Variants in TMC1 observed in about 807,000 individuals in gnomAD.
TMC1 encodes transmembrane channel-like protein 1.
In TMC1, 84 loss-of-function variants were observed where a neutral mutation model predicts 105.8. The observed-to-expected ratio is 0.79, with a 90% CI of 0.67 to 0.95. TMC1 has a LOEUF of 0.95. Ranked by LOEUF, TMC1 falls within the 40% of genes least tolerant of loss-of-function variation. The probability of loss-of-function intolerance (pLI) is 0.00; values close to 1 mark genes in which losing one functional copy is unlikely to be tolerated. For missense variants in TMC1, 817 were observed against 914.1 expected (o/e 0.89, Z 1.37); for synonymous variants, 315 against 311.5 (o/e 1.01, Z -0.12).
intron 2 of TMC1, among the ~76,000 whole-genome samples, chr9:72,611,190 T>C (rs1564443593): frequency 6.6e-6 from 1 of 152,218 alleles, no homozygotes; most frequent in Non-Finnish European, 1.5e-5. Flanking sequence ...AATTGTATTA[T>C]TGGGAACCAT....
chr9:72,728,474 C>G (rs969741036), intron 8 of TMC1, among the ~76,000 whole-genome samples: 1 of 152,108 alleles, frequency 6.6e-6, no homozygotes, highest in Non-Finnish European at 1.5e-5. Flanking sequence ...GAGCAGAGAG[C>G]TTTTCTTGTA....
intron 5 of TMC1, among the ~76,000 whole-genome samples, chr9:72,666,852 C>A (rs935606442): frequency 6.6e-6 from 1 of 151,666 alleles, no homozygotes; most frequent in East Asian, 1.9e-4. Flanking sequence ...GAGTTTGAGA[C>A]CAGCCTGGGC....
intron 1 of TMC1, among the ~76,000 whole-genome samples, chr9:72,564,589 C>T (rs977726034): frequency 2.0e-5 from 3 of 152,164 alleles, no homozygotes; most frequent in African/African-American, 7.2e-5. Context: ...CCTTTCAAAA[C>T]AGATAATAGG....
chr9:72,742,848 G>C (rs1397624782), intron 10 of TMC1, among the ~76,000 whole-genome samples: 1 of 152,146 alleles, frequency 6.6e-6, no homozygotes, highest in Non-Finnish European at 1.5e-5. Flanking sequence ...TACTTGGAAG[G>C]CAGAGATTTT....
chr9:72,606,301 A>G (rs1157389692), intron 2 of TMC1, among the ~76,000 whole-genome samples: 3 of 152,156 alleles, frequency 2.0e-5, no homozygotes, highest in Non-Finnish European at 2.9e-5. Context: ...CCCCAAAAGC[A>G]TGGAATGGGG....
At chr9:72,621,367 T>A (rs1359620338) in intron 3 of TMC1, among the ~76,000 whole-genome samples, 1 of 152,166 alleles carries the variant, frequency 6.6e-6, no homozygotes, top group African/African-American at 2.4e-5. Flanking sequence ...CCTCACAACA[T>A]CCCTGGGAGT....
intron 6 of TMC1, among the ~76,000 whole-genome samples, chr9:72,689,749 G>T (rs1369244027): frequency 1.3e-5 from 2 of 152,084 alleles, no homozygotes; most frequent in Admixed American, 6.6e-5. Flanking sequence ...TCCGATGTAA[G>T]TATAGCCACC....
chr9:72,758,938 G>T (rs1211833680), intron 12 of TMC1, among the ~76,000 whole-genome samples: 1 of 151,940 alleles, frequency 6.6e-6, no homozygotes, highest in Admixed American at 6.6e-5. Context: ...TATACTACTT[G>T]TTTCAGTATG....
chr9:72,717,567 G>A (rs1435408261), intron 8 of TMC1, among the ~76,000 whole-genome samples: 1 of 152,100 alleles, frequency 6.6e-6, no homozygotes, highest in Non-Finnish European at 1.5e-5. Context: ...TGAAGCTTAG[G>A]ATACAAAACT....
At chr9:72,683,730 AT>A (rs1346760975) in intron 5 of TMC1, among the ~76,000 whole-genome samples, 1 of 14,048 alleles carries the variant, frequency 7.1e-5, no homozygotes, top group African/African-American at 2.5e-4. Flanking sequence ...TGAGTTACAC[AT>A]TTTATATATA....
At chr9:72,730,321 C>T (rs1363021707) in intron 8 of TMC1, among the ~76,000 whole-genome samples, 1 of 151,986 alleles carries the variant, frequency 6.6e-6, no homozygotes, top group Non-Finnish European at 1.5e-5. Flanking sequence ...TGGGGAAGAA[C>T]AAGGGGTGAG....
intron 8 of TMC1, among the ~76,000 whole-genome samples, chr9:72,729,245 C>T (rs148902586): frequency 6.9e-4 from 105 of 152,190 alleles, no homozygotes; most frequent in Admixed American, 1.1e-3. Flanking sequence ...AGGTCACTCT[C>T]ATGTTTGTTG....
intron 5 of TMC1, among the ~76,000 whole-genome samples, chr9:72,649,074 A>G (rs575353314): frequency 3.2e-4 from 48 of 152,346 alleles, no homozygotes; most frequent in East Asian, 2.5e-3. Context: ...TGAGTTAAGC[A>G]AAGTTCTAAA....
intron 8 of TMC1, among the ~76,000 whole-genome samples, chr9:72,716,988 T>C (rs957797219): frequency 2.6e-5 from 4 of 152,158 alleles, no homozygotes; most frequent in Non-Finnish European, 4.4e-5. Flanking sequence ...GTACAGTCCA[T>C]AGTGGCTTCC....
At chr9:72,805,971 G>T (rs955582305) in intron 18 of TMC1, among the ~76,000 whole-genome samples, 1 of 152,054 alleles carries the variant, frequency 6.6e-6, no homozygotes, top group African/African-American at 2.4e-5. Context: ...GCAACCATCC[G>T]ATTTCTCAAT....
At chr9:72,631,524 C>T (rs1218426824) in intron 4 of TMC1, among the ~76,000 whole-genome samples, 1 of 152,182 alleles carries the variant, frequency 6.6e-6, no homozygotes, top group African/African-American at 2.4e-5. Context: ...CTACAAATTG[C>T]TATGTACTAC....
intron 2 of TMC1, among the ~76,000 whole-genome samples, chr9:72,588,169 G>A (rs1824583235): frequency 6.6e-6 from 1 of 152,162 alleles, no homozygotes; most frequent in African/African-American, 2.4e-5. Context: ...TCATGCTGAT[G>A]GTAATGGTGG....
chr9:72,609,896 C>T (rs1360592234), intron 2 of TMC1, among the ~76,000 whole-genome samples: 1 of 152,122 alleles, frequency 6.6e-6, no homozygotes, highest in Non-Finnish European at 1.5e-5. Context: ...GAAGCCTTCC[C>T]TAGCAACAGG....
At chr9:72,672,865 T>C (rs933634744) in intron 5 of TMC1, among the ~76,000 whole-genome samples, 11 of 135,162 alleles carry the variant, frequency 8.1e-5, no homozygotes, top group Admixed American at 3.1e-4. Context: ...CACACACACG[T>C]GTATATATAT....
Sources: allele counts gnomAD v4.1 joint callset (sites outside exome capture counted in the v4.1 genomes callset), GRCh38; gene constraint gnomAD v4.1.1; transcripts MANE v1.5; gene names NCBI Gene and HGNC (gene_info 2026-07-23, HGNC 2026-07-21).